The following ABCA4 variants were observed in gnomAD, a reference collection of about 807,000 sequenced individuals.
ABCA4 encodes retinal-specific phospholipid-transporting ATPase ABCA4.
Under a neutral mutation model 263.7 loss-of-function variants are expected in ABCA4, and 196 were observed. The observed-to-expected ratio is 0.74, with a 90% CI of 0.66 to 0.84. The LOEUF (loss-of-function observed/expected upper bound fraction) is 0.84, where lower values mean the gene tolerates loss of function less well. Among genes scored for constraint, ABCA4 ranks in the 40% least tolerant of loss-of-function variants. The probability of loss-of-function intolerance (pLI) is 0.00; values close to 1 mark genes in which losing one functional copy is unlikely to be tolerated. For synonymous variants in ABCA4, 1,133 were observed against 1,094.2 expected, an observed-to-expected ratio of 1.04 and a Z score of -0.70; for missense variants, 2,792 against 2,855.1, an observed-to-expected ratio of 0.98 and a Z score of 0.50.
At chr1:94,030,269 G>A (rs534012291) in intron 29 of ABCA4, among the ~76,000 whole-genome samples, 159 bp downstream of exon 29, 3 of 152,352 alleles carry the variant, frequency 2.0e-5, no homozygotes, top group South Asian at 4.1e-4. Context: ...CTGCACACAA[G>A]TGTGGAAGGA....
intron 6 of ABCA4, among the ~76,000 whole-genome samples, chr1:94,088,207 T>C (rs1661882860): frequency 6.6e-6 from 1 of 152,204 alleles, no homozygotes; most frequent in Non-Finnish European, 1.5e-5. Flanking sequence ...CCTCTCTGCT[T>C]TTCTCAACAT....
chr1:94,111,767 T>G (rs1662612141), intron 2 of ABCA4, among the ~76,000 whole-genome samples, 188 bp from the exon 3 acceptor site: 1 of 152,196 alleles, frequency 6.6e-6, no homozygotes, highest in African/African-American at 2.4e-5. Context: ...ACATGGCCTC[T>G]TCTCTCAAGC....
intron 44 of ABCA4, among the ~76,000 whole-genome samples, 158 bp from the exon 45 acceptor site, chr1:94,002,150 T>C (rs1254914973): frequency 6.6e-6 from 1 of 152,230 alleles, no homozygotes; most frequent in Non-Finnish European, 1.5e-5. Context: ...TGGCATGTGC[T>C]TCAGGCGCCA....
chr1:94,059,864 G>A (rs1290453701), intron 14 of ABCA4, among the ~76,000 whole-genome samples: 2 of 152,172 alleles, frequency 1.3e-5, no homozygotes, highest in Admixed American at 1.3e-4. Flanking sequence ...GCAAAATAAT[G>A]TTTCATTTCC....
At chr1:94,112,877 A>T in intron 2 of ABCA4, 96 bp downstream of exon 2, 2 of 868,282 alleles carry the variant, frequency 2.3e-6, no homozygotes, top group African/African-American at 1.6e-5. Context: ...TGATAAGCAG[A>T]TCTGATCCCC....
intron 6 of ABCA4, among the ~76,000 whole-genome samples, chr1:94,096,193 C>G (rs899617053): frequency 6.6e-6 from 1 of 152,164 alleles, no homozygotes; most frequent in South Asian, 2.1e-4. Flanking sequence ...ATCTGGGAAG[C>G]TTTTTAACAC....
intron 2 of ABCA4, 24 bp downstream of exon 2, chr1:94,112,949 C>T (rs1207014300): frequency 6.3e-7 from 1 of 1,596,978 alleles, no homozygotes; most frequent in East Asian, 2.2e-5. Flanking sequence ...TCAGGGCTTG[C>T]CCAAGCTACC....
chr1:94,095,532 C>A lies in ABCA4; in HGVS notation c.768+3262G>T, dbSNP rs370166116. 8.5e-5 allele frequency among the ~76,000 whole-genome samples: 13 copies of A among 152,300 alleles called. No homozygotes were observed. The East Asian group carries it at 1.7e-3, about 20-fold the overall frequency. ...CCCGCACTGCAGCTAAGCATGGCTG[C>A]GCGCCAACCAGCTGCAATAACAGCC... On this transcript the variant is annotated intron_variant, in intron 6 of 49. Transcript: ENST00000370225.
intron 44 of ABCA4, 27 bp from the exon 45 acceptor site, chr1:94,002,019 G>A: frequency 6.2e-7 from 1 of 1,614,094 alleles, no homozygotes; most frequent in Non-Finnish European, 8.5e-7. Flanking sequence ...AATGCCATTT[G>A]GAGAAGACAA....
At chr1:94,014,756 G>C (rs909036954) in intron 37 of ABCA4, 66 bp from the exon 38 acceptor site, 2 of 1,597,304 alleles carry the variant, frequency 1.3e-6, no homozygotes, top group African/African-American at 2.7e-5. Context: ...AATACGTCTG[G>C]ATATAATGCA....
intron 6 of ABCA4, among the ~76,000 whole-genome samples, chr1:94,094,802 C>T (rs1253278677): frequency 6.6e-6 from 1 of 152,106 alleles, no homozygotes; most frequent in Non-Finnish European, 1.5e-5. Flanking sequence ...GCATGCATGC[C>T]TTGGGCCAAA....
chr1:94,060,776 G>T lies in ABCA4; in HGVS notation c.1938-17C>A. 1 of 1,581,474 alleles carries T rather than the reference G, an allele frequency of 6.3e-7. No individual in the cohort carries two copies. The highest frequency in any genetic ancestry group is 8.7e-7 in the Non-Finnish European group (1 of 1,155,902). ...ATCATGAAACTAAAGCAAAAGGAGAGAAGCAGAATAGTAGAGTGCTCTGTA... is the reference window on the plus strand; with the variant it reads ...ATCATGAAACTAAAGCAAAAGGAGATAAGCAGAATAGTAGAGTGCTCTGTA... On this transcript the variant is annotated splice_polypyrimidine_tract_variant and intron_variant, in intron 13 of 49. Transcript: ENST00000370225.
At chr1:94,088,110 A>G (rs1490308563) in intron 6 of ABCA4, among the ~76,000 whole-genome samples, 1 of 152,006 alleles carries the variant, frequency 6.6e-6, no homozygotes, top group African/African-American at 2.4e-5. Context: ...TACCCTCACC[A>G]TCCTACTAAG....
intron 32 of ABCA4, 45 bp downstream of exon 32, chr1:94,023,341 A>G (rs376336018): frequency 9.8e-5 from 147 of 1,504,698 alleles, no homozygotes; most frequent in Admixed American, 1.7e-4. Context: ...TATTTCAACA[A>G]TGAATCAATC....
intron 11 of ABCA4, among the ~76,000 whole-genome samples, chr1:94,068,506 T>G (rs1041223225): frequency 6.6e-6 from 1 of 152,220 alleles, no homozygotes; most frequent in Non-Finnish European, 1.5e-5. Context: ...CTAATGGACA[T>G]GTATATTAGT....
intron 27 of ABCA4, among the ~76,000 whole-genome samples, chr1:94,031,567 T>A (rs1660201943): frequency 6.6e-6 from 1 of 152,252 alleles, no homozygotes; most frequent in African/African-American, 2.4e-5. Flanking sequence ...TTATTCTATT[T>A]TCTTTGCTAG....
intron 26 of ABCA4, among the ~76,000 whole-genome samples, chr1:94,033,360 G>T (rs867043390): frequency 3.3e-5 from 5 of 150,628 alleles, no homozygotes; most frequent in Admixed American, 6.6e-5. Flanking sequence ...GGAGGTCAAG[G>T]CTGCAGTGAG....
At chr1:94,076,298 T>C (rs766944579) in intron 11 of ABCA4, among the ~76,000 whole-genome samples, 1 of 152,058 alleles carries the variant, frequency 6.6e-6, no homozygotes, top group Non-Finnish European at 1.5e-5. Flanking sequence ...AGATGACTGC[T>C]AAGGGCTGTA....
intron 15 of ABCA4, 136 bp downstream of exon 15, chr1:94,056,465 T>C (rs1328327073): frequency 3.2e-6 from 3 of 943,088 alleles, no homozygotes; most frequent in Admixed American, 2.0e-5. Context: ...CTGTACATTT[T>C]AGCCTCACGT....
Sources: gnomAD v4.1 joint callset for allele counts (sites outside exome capture counted in the v4.1 genomes callset) on GRCh38, gnomAD v4.1.1 for gene constraint, MANE v1.5 for transcripts, NCBI Gene and HGNC (gene_info 2026-07-23, HGNC 2026-07-21) for gene names.